Variants in BID observed in about 807,000 individuals in gnomAD.
BID encodes the protein BH3-interacting domain death agonist.
BID carries 19 observed loss-of-function variants against 17.4 expected under a neutral mutation model. The ratio of observed to expected loss-of-function variants is 1.09; its 90% CI spans 0.76 to 1.60. The LOEUF (loss-of-function observed/expected upper bound fraction) is 1.60. Among genes scored for constraint, BID ranks in the 40% most tolerant of loss-of-function variants. The pLI, the probability that BID is intolerant of heterozygous loss-of-function variation, is 0.00. For missense variants in BID, 226 were observed against 256.0 expected (o/e 0.88, Z 0.80); for synonymous variants, 108 against 102.8 (o/e 1.05, Z -0.31).
intron 1 of BID, among the ~76,000 whole-genome samples, chr22:17,756,456 TTTCTTTCTTTCTTTCTTTCTTTTC>T (rs1569047764): frequency 0.012 from 1,298 of 108,882 alleles, 9 homozygotes; most frequent in Middle Eastern, 0.02. Context: ...TCTTTCTTTC[TTTCTTTCTTTCTTTCTTTCTTTTC>T]TTTCTTTCTT....
intron 1 of BID, among the ~76,000 whole-genome samples, chr22:17,771,091 T>C (rs2061715672): frequency 6.6e-6 from 1 of 152,214 alleles, no homozygotes; most frequent in African/African-American, 2.4e-5. Flanking sequence ...ATGATCCAGA[T>C]GGTGATCTTT....
intron 5 of BID, 62 bp downstream of exon 5, chr22:17,737,955 A>C: frequency 6.3e-7 from 1 of 1,580,474 alleles, no homozygotes; most frequent in South Asian, 1.1e-5. Context: ...GGGCTTCTCA[A>C]CCTTCCAGAG....
chr22:17,735,629 G>C, intron 5 of BID, 38 bp from the exon 6 acceptor site: 1 of 1,613,834 alleles, frequency 6.2e-7, no homozygotes, highest in South Asian at 1.1e-5. Flanking sequence ...AATCAGCTAG[G>C]CTCATTCACA....
At chr22:17,740,315 T>C (rs2061450273) in intron 3 of BID, 2 of 739,458 alleles carry the variant, frequency 2.7e-6, no homozygotes, top group Non-Finnish European at 4.6e-6. Flanking sequence ...CATGCATGCC[T>C]GTAATCCCAG....
intron 1 of BID, among the ~76,000 whole-genome samples, chr22:17,758,259 C>T (rs1048433860): frequency 6.6e-6 from 1 of 152,236 alleles, no homozygotes; most frequent in African/African-American, 2.4e-5. Context: ...ACCTCGCAGG[C>T]ACTGACTCCA....
At chr22:17,749,479 T>C (rs1289288296) in intron 2 of BID, among the ~76,000 whole-genome samples, 1 of 152,208 alleles carries the variant, frequency 6.6e-6, no homozygotes, top group Non-Finnish European at 1.5e-5. Flanking sequence ...CTCGCCCAGC[T>C]ATGAAGGGAA....
chr22:17,740,131 G>A (rs767571530), intron 3 of BID: 72 of 1,611,972 alleles, frequency 4.5e-5, no homozygotes, highest in Non-Finnish European at 5.9e-5. Flanking sequence ...GCTCCCTGCC[G>A]CCTCCGTTTC....
intron 1 of BID, among the ~76,000 whole-genome samples, chr22:17,761,622 G>A (rs1028603999): frequency 5.6e-4 from 85 of 151,986 alleles, no homozygotes; most frequent in African/African-American, 2.0e-3. Flanking sequence ...TAGTGGAGAC[G>A]GGGTTTCACC....
In BID at chr22:17,743,899, C is replaced by A. The variant is rs747016844; in HGVS notation, c.127G>T (p.Glu43Ter). Residue 43 changes from glutamate to a stop codon, truncating the protein, a stop_gained, in exon 3 of 6, where the codon GAG (glutamate) becomes TAG (stop). Transcript: ENST00000622694. LOFTEE classifies it high-confidence loss of function. ...FRRELDALGH[E>*]LPVLAPQWEG... ...CACTGGGGAGCCAGCACTGGCAGCT[C>A]GTGGCCCAGTGCGTCCAGCTCTCTG... 32 of 1,613,646 alleles carry A rather than the reference C, an allele frequency of 2.0e-5. No individual in the cohort carries two copies. The highest frequency in any genetic ancestry group is 2.6e-5 in the Non-Finnish European group (31 of 1,179,994).
chr22:17,757,929 A>G (rs2145906293), intron 1 of BID, among the ~76,000 whole-genome samples: 1 of 152,220 alleles, frequency 6.6e-6, no homozygotes, highest in East Asian at 1.9e-4. Flanking sequence ...CTTGGTCTCA[A>G]GTTGGATGGA....
At chr22:17,774,567 C>T (rs2061746634), upstream of BID, 1 of 150,164 alleles carries the variant, frequency 6.7e-6, no homozygotes, top group Non-Finnish European at 1.5e-5. Context: ...CCCGGGGAGC[C>T]CGCGCCGGCG....
At chr22:17,766,949 C>A (rs1054558482) in intron 1 of BID, among the ~76,000 whole-genome samples, 9 of 148,216 alleles carry the variant, frequency 6.1e-5, no homozygotes, top group Non-Finnish European at 1.2e-4. Flanking sequence ...TACAGCCAGG[C>A]GTGGTGGCTC....
At chr22:17,763,649 C>T (rs1311401417) in intron 1 of BID, among the ~76,000 whole-genome samples, 1 of 152,044 alleles carries the variant, frequency 6.6e-6, no homozygotes, top group Non-Finnish European at 1.5e-5. Context: ...CCTGTGGGCA[C>T]ACACACCATA....
At chr22:17,747,341 GAC>G (rs1312241079) in intron 2 of BID, among the ~76,000 whole-genome samples, 1 of 152,196 alleles carries the variant, frequency 6.6e-6, no homozygotes, top group African/African-American at 2.4e-5. Context: ...TGTTTTTGGA[GAC>G]AGAGTCTCAT....
chr22:17,756,499 TC>T (rs2061591470), intron 1 of BID, among the ~76,000 whole-genome samples: 1 of 147,370 alleles, frequency 6.8e-6, no homozygotes, highest in Non-Finnish European at 1.5e-5. Context: ...TTTCTTTCTC[TC>T]TCTCTTTCTG....
At chr22:17,745,715 C>T (rs573580123) in intron 2 of BID, among the ~76,000 whole-genome samples, 1 of 152,064 alleles carries the variant, frequency 6.6e-6, no homozygotes, top group Non-Finnish European at 1.5e-5. Flanking sequence ...CGCCTGTAAT[C>T]CCAGCACTTT....
chr22:17,750,960 C>T (rs2061534083), intron 1 of BID, among the ~76,000 whole-genome samples: 1 of 151,276 alleles, frequency 6.6e-6, no homozygotes, highest in Admixed American at 6.6e-5. Context: ...CACTTACACC[C>T]AGGAGGTGGA....
At position 17,758,344 on chromosome 22, in the gene BID, C is replaced by T. The variant is rs77606270; in HGVS notation, c.-58-8170G>A. On this transcript the variant is annotated intron_variant, in intron 1 of 5. Transcript: ENST00000622694. ...ACGGCATTCCAGGGAAGGCCCTGGCCGCACTAGGAACTTATCCAGTTATAT... is the reference window on the plus strand; with the variant it reads ...ACGGCATTCCAGGGAAGGCCCTGGCTGCACTAGGAACTTATCCAGTTATAT... Among the ~76,000 whole-genome samples the T allele has an allele frequency of 6.4e-3, 978 of 152,330 alleles. 5 individuals carry two copies. Among genetic ancestry groups the T allele is most frequent in the South Asian group, 0.029 (139 of 4,826 alleles).
rs758607258 is a variant in BID, at chr22:17,773,641, G to A, written c.-59+740C>T. The A allele has an allele frequency of 3.3e-5, 53 of 1,612,002 alleles. No individual in the cohort carries two copies. Among genetic ancestry groups the A allele is most frequent in the Middle Eastern group, 1.6e-4 (1 of 6,084 alleles). ...CGCACTGTGCTCCTCCAGCCGGCCCGGCCCCTCGCTGCCCACCGAGCCATC... is the reference window on the plus strand; with the variant it reads ...CGCACTGTGCTCCTCCAGCCGGCCCAGCCCCTCGCTGCCCACCGAGCCATC... On this transcript the variant is annotated intron_variant, in intron 1 of 5. Coordinates refer to ENST00000622694, the MANE Select transcript of BID (RefSeq NM_001196.4). This position sits in a 1 kb window ranked among gnomAD's most constrained non-coding sequence, Gnocchi z 4.4.
Sources: gnomAD v4.1 joint callset for allele counts (sites outside exome capture counted in the v4.1 genomes callset) on GRCh38, gnomAD v4.1.1 for gene constraint, Gnocchi (gnomAD v3.1) non-coding constraint, MANE v1.5 for transcripts, NCBI Gene and HGNC (gene_info 2026-07-23, HGNC 2026-07-21) for gene names.